ZDHHC11B: variants seen among roughly 807,000 people sequenced by gnomAD.
The protein encoded by ZDHHC11B is probable palmitoyltransferase ZDHHC11B.
In ZDHHC11B, 17 loss-of-function variants were observed where a neutral mutation model predicts 42.3. The observed-to-expected ratio is 0.40, with a 90% CI of 0.27 to 0.60. The LOEUF is 0.60. Among genes scored for constraint, ZDHHC11B ranks in the 20% least tolerant of loss-of-function variants. The pLI, the probability that ZDHHC11B is intolerant of heterozygous loss-of-function variation, is 0.41. For missense variants in ZDHHC11B, 262 were observed against 463.2 expected, an observed-to-expected ratio of 0.57 and a Z score of 3.99; for synonymous variants, 123 against 193.5, an observed-to-expected ratio of 0.64 and a Z score of 3.02.
rs1220584977 is a variant in ZDHHC11B at position 775,817 on chromosome 5, G to C, written c.-229-6887C>G. Among the ~76,000 whole-genome samples the C allele has an allele frequency of 3.0e-4, 45 of 151,568 alleles. 1 individual carries two copies. The highest frequency in any genetic ancestry group is 5.3e-4 in the African/African-American group (22 of 41,270). ...CATGCCCTCGGGGCACTGGCATCCA[G>C]GGAGCTGTGAAGGACACGCTGTGTT... On this transcript the variant is annotated intron_variant, in intron 1 of 13. Coordinates refer to ENST00000508859, the MANE Select transcript of ZDHHC11B (RefSeq NM_001351303.2).
intron 1 of ZDHHC11B, among the ~76,000 whole-genome samples, 169 bp downstream of exon 1, chr5:784,495 GGCAT>G: frequency 6.6e-6 from 1 of 152,256 alleles, no homozygotes; most frequent in Non-Finnish European, 1.5e-5. Flanking sequence ...CCGAACTCCG[GGCAT>G]CCCAATCCGG....
intron 1 of ZDHHC11B, among the ~76,000 whole-genome samples, chr5:774,500 GTT>G (rs1736305407): frequency 6.6e-6 from 1 of 151,978 alleles, no homozygotes; most frequent in Non-Finnish European, 1.5e-5. Flanking sequence ...CCTGGAGCCT[GTT>G]ACTAGGACCT....
rs1329144384 is a variant in ZDHHC11B, at chr5:739,108, A to C, written c.935+2486T>G. ...TCAAACAAATCCGCAAAAAAAAAAC[A>C]AATCATCCAATTGGGTGTGGTGGCT... On this transcript the variant is annotated intron_variant, in intron 10 of 13. Coordinates refer to ENST00000508859, the MANE Select transcript of ZDHHC11B (RefSeq NM_001351303.2). 2.0e-5 allele frequency among the ~76,000 whole-genome samples: 3 copies of C among 150,246 alleles called. 1 individual carries two copies. The highest frequency in any genetic ancestry group is 6.6e-5 in the Admixed American group (1 of 15,172).
At chr5:776,990 T>C (rs1192459683) in intron 1 of ZDHHC11B, among the ~76,000 whole-genome samples, 13 of 152,000 alleles carry the variant, frequency 8.6e-5, no homozygotes, top group Middle Eastern at 3.4e-3. Context: ...AGCTGGCAGT[T>C]TTGAGTCCGT....
chr5:759,176 C>T (rs1370235944), intron 4 of ZDHHC11B, among the ~76,000 whole-genome samples: 4 of 151,906 alleles, frequency 2.6e-5, no homozygotes, highest in East Asian at 1.9e-4. Context: ...TCTTGAGAAC[C>T]GTAGCTATGC....
intron 1 of ZDHHC11B, among the ~76,000 whole-genome samples, chr5:778,029 G>C (rs577990018): frequency 1.3e-5 from 2 of 152,028 alleles, no homozygotes; most frequent in East Asian, 1.9e-4. Flanking sequence ...GGCAGTGCTG[G>C]GGGACCCGGC....
rs571543060 is a variant in ZDHHC11B at position 776,409 on chromosome 5, A to AC, written c.-229-7480dup. Among the ~76,000 whole-genome samples the AC allele has an allele frequency of 3.7e-3, 555 of 151,750 alleles. 12 individuals carry two copies. Among genetic ancestry groups the AC allele is most frequent in the Non-Finnish European group, 5.9e-3 (399 of 67,814 alleles). Reference sequence around the variant, plus strand: ...AGGGGATCAGGACCAGGGAGAAGCAACCCCCCAGTAAATCCGAAGCACAGG... The same window carrying AC: ...AGGGGATCAGGACCAGGGAGAAGCAACCCCCCCAGTAAATCCGAAGCACAGG... On this transcript the variant is annotated intron_variant, in intron 1 of 13. Transcript: ENST00000508859.
intron 7 of ZDHHC11B, among the ~76,000 whole-genome samples, chr5:749,978 A>G (rs1293653530): frequency 1.7e-5 from 2 of 117,768 alleles, no homozygotes; most frequent in African/African-American, 3.0e-5. Context: ...TGGAAGGAGG[A>G]GCTTTAGGGA....
intron 11 of ZDHHC11B, chr5:732,683 A>C: frequency 2.2e-6 from 1 of 447,540 alleles, no homozygotes; most frequent in Non-Finnish European, 4.5e-6. Flanking sequence ...ACAGGGAAGG[A>C]CAAGTCACCT....
At position 733,885 on chromosome 5, in the gene ZDHHC11B, G is replaced by T. The variant is rs746832419; in HGVS notation, c.936-46C>A. 1.4e-5 allele frequency: 22 copies of T among 1,524,742 alleles called. No individual in the cohort carries two copies. In the African/African-American group the frequency reaches 2.7e-4, roughly 19 times the overall value. The allele number at this position is 1,524,742 out of a possible 1,614,324, so 94.5% of individuals were successfully genotyped here. On this transcript the variant is annotated intron_variant, in intron 10 of 13. Coordinates refer to ENST00000508859, the MANE Select transcript of ZDHHC11B (RefSeq NM_001351303.2). Reference sequence around the variant, plus strand: ...AGAGAAACTCATCTCAGCTTTGTGGGGGGGCTCAGGGTGGCACTGGAGGCT... The same window carrying T: ...AGAGAAACTCATCTCAGCTTTGTGGTGGGGCTCAGGGTGGCACTGGAGGCT...
At chr5:730,412 C>T in intron 12 of ZDHHC11B, 22 bp downstream of exon 12, 1 of 1,576,034 alleles carries the variant, frequency 6.3e-7, no homozygotes, top group Non-Finnish European at 8.6e-7. Context: ...ATAAAACGTT[C>T]CCATTAAACT....
rs185144369 is a variant in ZDHHC11B at position 733,886 on chromosome 5, G to A, written c.936-47C>T. On this transcript the variant is annotated intron_variant, in intron 10 of 13. Transcript: ENST00000508859. ...GAGAAACTCATCTCAGCTTTGTGGG[G>A]GGGCTCAGGGTGGCACTGGAGGCTG... The A allele has an allele frequency of 3.4e-4, 526 of 1,527,388 alleles. 14 individuals carry two copies. In the African/African-American group the frequency reaches 6.3e-3, roughly 18 times the overall value. The allele number at this position is 1,527,388 out of a possible 1,614,324, so 94.6% of individuals were successfully genotyped here.
Position 745,267 on chromosome 5 carries a change from G to T in ZDHHC11B, c.816C>A (p.Leu272=). The change falls in exon 9 of 14, where the codon CTC becomes CTA. Residue 272 remains leucine (L), a synonymous_variant. Transcript: ENST00000508859. ...KAKKMTTFEY[L]INTRKEESSK... The stretch of plus-strand genomic sequence containing the variant: ...AACTCTCTTCTTTGCGGGTATTAAT[G>T]AGATACTCAAAGGTGGTCATCTTCT... 6.2e-7 allele frequency: 1 copy of T among 1,609,350 alleles called. No homozygotes were observed. The highest frequency in any genetic ancestry group is 1.1e-5 in the South Asian group (1 of 90,468).
Position 744,115 on chromosome 5 carries a change from G to C in ZDHHC11B, c.900+1068C>G, listed in dbSNP as rs369845479. Reference sequence around the variant, plus strand: ...TGGTTACCGTTCTCTATTGGACTAAGGTGCTGAGCTGTAGTAATTGATTCC... The same window carrying C: ...TGGTTACCGTTCTCTATTGGACTAACGTGCTGAGCTGTAGTAATTGATTCC... On this transcript the variant is annotated intron_variant, in intron 9 of 13. Transcript: ENST00000508859. Among the ~76,000 whole-genome samples the C allele has an allele frequency of 7.3e-4, 110 of 150,002 alleles. 4 individuals are homozygous for C. Among genetic ancestry groups the C allele is most frequent in the Middle Eastern group, 3.4e-3 (1 of 292 alleles).
At chr5:766,984 T>A in intron 3 of ZDHHC11B, 65 bp from the exon 4 acceptor site, 2 of 1,551,626 alleles carry the variant, frequency 1.3e-6, no homozygotes, top group Non-Finnish European at 1.8e-6. Context: ...CCACCCACTG[T>A]CAGGGAGACC....
At chr5:718,776 C>T (rs7718113) in intron 12 of ZDHHC11B, among the ~76,000 whole-genome samples, 61,173 of 148,070 alleles carry the variant, frequency 0.41, 8,992 homozygotes, top group Middle Eastern at 0.46. Context: ...AGCCAGCTAC[C>T]GCCTCGATTT....
intron 1 of ZDHHC11B, among the ~76,000 whole-genome samples, chr5:772,827 T>C (rs1379147233): frequency 6.6e-6 from 1 of 151,682 alleles, no homozygotes; most frequent in South Asian, 2.1e-4. Flanking sequence ...TGCTGAGGGG[T>C]CTCACGTGGG....
chr5:773,021 C>T (rs1736182827), intron 1 of ZDHHC11B, among the ~76,000 whole-genome samples: 1 of 151,958 alleles, frequency 6.6e-6, no homozygotes, highest in Non-Finnish European at 1.5e-5. Context: ...TCTGGAGGAG[C>T]AGGACACGGG....
At chr5:721,194 A>G (rs1742156821) in intron 12 of ZDHHC11B, among the ~76,000 whole-genome samples, 1 of 151,382 alleles carries the variant, frequency 6.6e-6, no homozygotes, top group Non-Finnish European at 1.5e-5. Flanking sequence ...GAAGATAATT[A>G]GAAAATGTAC....
Sources: allele counts gnomAD v4.1 joint callset (sites outside exome capture counted in the v4.1 genomes callset), GRCh38; gene constraint gnomAD v4.1.1; transcripts MANE v1.5; gene names NCBI Gene and HGNC (gene_info 2026-07-23, HGNC 2026-07-21).